FOCAD: variants seen among roughly 807,000 people sequenced by gnomAD.
The protein encoded by FOCAD is KIAA1797.
FOCAD carries 198 observed loss-of-function variants against 225.6 expected under a neutral mutation model. That is an observed-to-expected ratio of 0.88 (90% CI 0.78 to 0.99). FOCAD has a LOEUF of 0.99. Among genes scored for constraint, FOCAD ranks in the 50% least tolerant of loss-of-function variants. The probability of loss-of-function intolerance (pLI) is 0.00; values close to 1 mark genes in which losing one functional copy is unlikely to be tolerated. For synonymous variants in FOCAD, 897 were observed against 755.0 expected (o/e 1.19, Z -3.08); for missense variants, 2,713 against 2,123.6 (o/e 1.28, Z -5.46).
At chr9:20,892,350 G>T (rs925017926) in intron 21 of FOCAD, among the ~76,000 whole-genome samples, 3 of 152,134 alleles carry the variant, frequency 2.0e-5, no homozygotes, top group Admixed American at 2.0e-4. Flanking sequence ...TGTTGGATCT[G>T]GGAGAAATAA....
At chr9:20,820,006 A>C (rs1452880592) in intron 12 of FOCAD, 106 bp downstream of exon 12, 1 of 629,146 alleles carries the variant, frequency 1.6e-6, no homozygotes, top group African/African-American at 1.9e-5. Context: ...TGCCATAGTC[A>C]CTACTTCTCT....
rs1835287144 is a variant in FOCAD, at chr9:20,929,681, A to T, written c.3317+85A>T. ...CACCCATATGCACCTATATATAAAC[A>T]TTGTATCTGAGCAATATGTGTTTGC... On this transcript the variant is annotated intron_variant, in intron 27 of 43. Coordinates refer to ENST00000338382, the MANE Select transcript of FOCAD (RefSeq NM_001375567.1). The T allele has an allele frequency of 2.8e-6, 3 of 1,059,862 alleles. No individual in the cohort carries two copies. In the Admixed American group the frequency reaches 6.0e-5, roughly 21 times the overall value. The allele number at this position is 1,059,862 out of a possible 1,614,324, so 65.7% of individuals were successfully genotyped here.
chr9:20,894,581 T>C (rs1831908467), intron 21 of FOCAD, among the ~76,000 whole-genome samples: 1 of 152,284 alleles, frequency 6.6e-6, no homozygotes, highest in African/African-American at 2.4e-5. Context: ...TTCATTGTTA[T>C]TTTAATTCGC....
chr9:20,980,234 A>G (rs1255187006), intron 37 of FOCAD, among the ~76,000 whole-genome samples: 1 of 152,016 alleles, frequency 6.6e-6, no homozygotes, highest in East Asian at 1.9e-4. Context: ...GATACATTTT[A>G]TTATTTCCAT....
rs936624185 is a variant in FOCAD, at chr9:20,800,487, A to G, written c.1455+10879A>G. 7.2e-5 allele frequency among the ~76,000 whole-genome samples: 11 copies of G among 152,264 alleles called. No homozygotes were observed. In the South Asian group the frequency reaches 1.0e-3, roughly 14 times the overall value. On this transcript the variant is annotated intron_variant, in intron 11 of 43. Coordinates refer to ENST00000338382, the MANE Select transcript of FOCAD (RefSeq NM_001375567.1). Reference sequence around the variant, plus strand: ...CTCCCCATCACTTTCAGGTACACCAATCAGATGTAAATTTGGTCTTTTCAC... The same window carrying G: ...CTCCCCATCACTTTCAGGTACACCAGTCAGATGTAAATTTGGTCTTTTCAC...
intron 15 of FOCAD, among the ~76,000 whole-genome samples, chr9:20,832,252 G>T (rs1447165997): frequency 6.6e-6 from 1 of 151,944 alleles, no homozygotes; most frequent in Non-Finnish European, 1.5e-5. Flanking sequence ...CTGTTTTGAG[G>T]AATGCCATAC....
chr9:20,751,042 C>G (rs1828492945), intron 5 of FOCAD, among the ~76,000 whole-genome samples: 1 of 151,996 alleles, frequency 6.6e-6, no homozygotes, highest in African/African-American at 2.4e-5. Flanking sequence ...GAGGTTAATT[C>G]TCTTGCTTGA....
At chr9:20,773,404 CTG>C (rs1818430451) in intron 8 of FOCAD, among the ~76,000 whole-genome samples, 1 of 152,206 alleles carries the variant, frequency 6.6e-6, no homozygotes, top group African/African-American at 2.4e-5. Context: ...ATTAGCAGGT[CTG>C]AGTGCGGCCC....
chr9:20,712,607 C>G lies in FOCAD; in HGVS notation c.-32-2715C>G, dbSNP rs1824947997. Among the ~76,000 whole-genome samples the G allele has an allele frequency of 2.0e-5, 3 of 151,604 alleles. No homozygotes were observed. The South Asian group carries it at 6.2e-4, about 32-fold the overall frequency. On this transcript the variant is annotated intron_variant, in intron 1 of 43. Coordinates refer to ENST00000338382, the MANE Select transcript of FOCAD (RefSeq NM_001375567.1). The stretch of plus-strand genomic sequence containing the variant: ...AACCTGGGAGGCGGAGGTTAGTGAG[C>G]TGAGATCGCACCACTGCACTCCAGC...
chr9:20,729,069 C>A (rs554548920), intron 4 of FOCAD, among the ~76,000 whole-genome samples: 2 of 152,278 alleles, frequency 1.3e-5, no homozygotes, highest in East Asian at 3.9e-4. Flanking sequence ...AATGGTGGGA[C>A]CTGGAGCTGG....
chr9:20,681,559 C>T (rs539044410), upstream of FOCAD, among the ~76,000 whole-genome samples: 58 of 152,322 alleles, frequency 3.8e-4, 1 homozygote, highest in African/African-American at 1.4e-3. Flanking sequence ...CATGAACTGG[C>T]AACTTCTGAG....
At chr9:20,886,491 C>T (rs1335224008) in intron 21 of FOCAD, among the ~76,000 whole-genome samples, 2 of 151,984 alleles carry the variant, frequency 1.3e-5, no homozygotes, top group African/African-American at 4.8e-5. Context: ...AGAACAGAAA[C>T]AAGAAAAAGC....
At chr9:20,799,918 A>T (rs1024336719) in intron 11 of FOCAD, among the ~76,000 whole-genome samples, 2 of 152,072 alleles carry the variant, frequency 1.3e-5, no homozygotes, top group Non-Finnish European at 2.9e-5. Context: ...TTTGCTCGTT[A>T]GTTGATGCAG....
intron 5 of FOCAD, 29 bp from the exon 6 acceptor site, chr9:20,758,061 G>C: frequency 1.3e-6 from 2 of 1,499,252 alleles, no homozygotes; most frequent in Non-Finnish European, 1.8e-6. Flanking sequence ...TGAATAACAG[G>C]TTCCCATGTG....
intron 24 of FOCAD, among the ~76,000 whole-genome samples, chr9:20,921,825 A>C (rs1834463682): frequency 6.6e-6 from 1 of 152,194 alleles, no homozygotes; most frequent in African/African-American, 2.4e-5. Flanking sequence ...ACCGAGGCTA[A>C]TTTCTCTTTC....
rs541370127 is a variant in FOCAD at position 20,743,634 on chromosome 9, G to C, written c.392+3294G>C. Reference sequence around the variant, plus strand: ...AGTTAGTGGTTCTCAAACTTGTCTTGCATAAGAACCACTGGGGCAGCGTGT... The same window carrying C: ...AGTTAGTGGTTCTCAAACTTGTCTTCCATAAGAACCACTGGGGCAGCGTGT... On this transcript the variant is annotated intron_variant, in intron 5 of 43. Coordinates refer to ENST00000338382, the MANE Select transcript of FOCAD (RefSeq NM_001375567.1). 2.0e-5 allele frequency among the ~76,000 whole-genome samples: 3 copies of C among 152,248 alleles called. No individual in the cohort carries two copies. The South Asian group carries it at 6.2e-4, about 32-fold the overall frequency.
intron 21 of FOCAD, among the ~76,000 whole-genome samples, chr9:20,890,929 T>A (rs1490875923): frequency 6.6e-6 from 1 of 152,182 alleles, no homozygotes; most frequent in Non-Finnish European, 1.5e-5. Context: ...ACTTTGCAGA[T>A]ACTGCATTTT....
At chr9:20,663,528 G>GT (rs758035013) in intron 2 of FOCAD, among the ~76,000 whole-genome samples, 1 of 151,040 alleles carries the variant, frequency 6.6e-6, no homozygotes, top group Non-Finnish European at 1.5e-5. Context: ...TTATGACTAT[G>GT]TTTGCAATCT....
At chr9:20,941,360 CTGAGCTTTTAG>C (rs1836643284) in intron 28 of FOCAD, among the ~76,000 whole-genome samples, 1 of 152,184 alleles carries the variant, frequency 6.6e-6, no homozygotes, top group African/African-American at 2.4e-5. Flanking sequence ...TTAATTACTA[CTGAGCTTTTAG>C]AAATGCGATA....
Sources: allele counts gnomAD v4.1 joint callset (sites outside exome capture counted in the v4.1 genomes callset), GRCh38; gene constraint gnomAD v4.1.1; transcripts MANE v1.5; gene names NCBI Gene and HGNC (gene_info 2026-07-23, HGNC 2026-07-21).